The following PACRG variants were observed in gnomAD, a reference collection of about 807,000 sequenced individuals.
PACRG encodes parkin coregulated, also known as parkin coregulated gene protein.
Under a neutral mutation model 29.7 loss-of-function variants are expected in PACRG, and 29 were observed. The observed-to-expected ratio is 0.98, with a 90% CI of 0.73 to 1.33. PACRG has a LOEUF of 1.33. PACRG is among the 40% of genes most tolerant of loss of function. PACRG has a pLI of 0.00. For missense variants in PACRG, 279 were observed against 316.2 expected (o/e 0.88, Z 0.89); for synonymous variants, 116 against 118.7 (o/e 0.98, Z 0.15).
At chr6:163,210,326 A>G (rs1428638579) in intron 4 of PACRG, among the ~76,000 whole-genome samples, 2 of 152,244 alleles carry the variant, frequency 1.3e-5, no homozygotes, top group African/African-American at 4.8e-5. Context: ...TCTATAATGC[A>G]GAATATCTTT....
At chr6:163,001,372 T>C (rs1191921303) in intron 2 of PACRG, among the ~76,000 whole-genome samples, 2 of 152,146 alleles carry the variant, frequency 1.3e-5, no homozygotes, top group Non-Finnish European at 2.9e-5. Flanking sequence ...CACACAACTT[T>C]CATATTTATG....
At chr6:163,017,958 G>C (rs780404733) in intron 2 of PACRG, among the ~76,000 whole-genome samples, 1 of 151,980 alleles carries the variant, frequency 6.6e-6, no homozygotes, top group Admixed American at 6.6e-5. Flanking sequence ...CCCATGATTT[G>C]CTATACATGG....
chr6:162,727,564 G>T, upstream of PACRG: 1 of 1,313,590 alleles, frequency 7.6e-7, no homozygotes, highest in Non-Finnish European at 1.1e-6. Flanking sequence ...GTCATTGACA[G>T]TTGGCACCGG....
intron 4 of PACRG, among the ~76,000 whole-genome samples, chr6:163,279,733 T>C (rs1784165237): frequency 6.6e-6 from 1 of 152,200 alleles, no homozygotes; most frequent in South Asian, 2.1e-4. Flanking sequence ...CACTACTCTT[T>C]CCTGTATTTT....
At chr6:163,257,446 C>T (rs549278888) in intron 4 of PACRG, among the ~76,000 whole-genome samples, 4 of 152,130 alleles carry the variant, frequency 2.6e-5, no homozygotes, top group East Asian at 1.9e-4. Context: ...AGACTAATTA[C>T]GTAAGACACA....
At chr6:163,212,202 A>T (rs1045859645) in intron 4 of PACRG, among the ~76,000 whole-genome samples, 2 of 152,184 alleles carry the variant, frequency 1.3e-5, no homozygotes, top group African/African-American at 4.8e-5. Flanking sequence ...GGGGTATTGG[A>T]TTAGAGTTGA....
At chr6:162,882,807 G>C (rs1200208513) in intron 2 of PACRG, among the ~76,000 whole-genome samples, 1 of 152,160 alleles carries the variant, frequency 6.6e-6, no homozygotes, top group Non-Finnish European at 1.5e-5. Flanking sequence ...TGACCTTCGT[G>C]AATTATTTCC....
At chr6:163,285,988 T>G (rs535392095) in intron 4 of PACRG, among the ~76,000 whole-genome samples, 7 of 152,356 alleles carry the variant, frequency 4.6e-5, no homozygotes, top group African/African-American at 1.7e-4. Flanking sequence ...TATTGCATGG[T>G]TCTGTCGTGT....
At chr6:163,062,473 C>G in intron 3 of PACRG, 152 bp downstream of exon 3, 1 of 883,734 alleles carries the variant, frequency 1.1e-6, no homozygotes, top group East Asian at 2.7e-5. Context: ...CAACCCAAAT[C>G]TCCAAAAATA....
chr6:163,010,048 T>C (rs978472814), intron 2 of PACRG, among the ~76,000 whole-genome samples: 3 of 152,176 alleles, frequency 2.0e-5, no homozygotes, highest in African/African-American at 7.2e-5. Context: ...TTCAAAATCA[T>C]TTTGAAGATC....
intron 2 of PACRG, among the ~76,000 whole-genome samples, chr6:162,942,936 C>T (rs1329058791): frequency 6.6e-6 from 1 of 152,118 alleles, no homozygotes; most frequent in Non-Finnish European, 1.5e-5. Context: ...CAGGAAACAC[C>T]TAAGGCAAAA....
intron 2 of PACRG, chr6:163,051,286 G>A (rs575179268): frequency 6.6e-6 from 1 of 152,098 alleles, no homozygotes; most frequent in South Asian, 2.1e-4. Context: ...TATGCTCATT[G>A]GTCTGTTGAG....
chr6:163,043,335 A>C (rs999018901), intron 2 of PACRG, among the ~76,000 whole-genome samples: 2 of 152,190 alleles, frequency 1.3e-5, no homozygotes, highest in Non-Finnish European at 2.9e-5. Flanking sequence ...AGGGCAGATC[A>C]TTTTGAGGTC....
intron 4 of PACRG, among the ~76,000 whole-genome samples, chr6:163,265,009 A>G (rs1263934611): frequency 1.3e-5 from 2 of 152,160 alleles, no homozygotes; most frequent in East Asian, 3.9e-4. Context: ...CTAGCAATGG[A>G]TGATATGCTT....
At chr6:163,116,056 G>A (rs1002681950) in intron 4 of PACRG, among the ~76,000 whole-genome samples, 1 of 152,214 alleles carries the variant, frequency 6.6e-6, no homozygotes, top group African/African-American at 2.4e-5. Flanking sequence ...TTCCTGAGGG[G>A]TGTATTAGTG....
At chr6:162,896,545 G>A (rs1448716962) in intron 2 of PACRG, among the ~76,000 whole-genome samples, 1 of 152,178 alleles carries the variant, frequency 6.6e-6, no homozygotes, top group Non-Finnish European at 1.5e-5. Flanking sequence ...TCTTGGATGT[G>A]TAAGAATTAT....
intron 2 of PACRG, among the ~76,000 whole-genome samples, chr6:162,964,770 A>T (rs985888734): frequency 1.3e-5 from 2 of 152,218 alleles, no homozygotes; most frequent in African/African-American, 4.8e-5. Flanking sequence ...ATCCTGAGCT[A>T]AGATTAGGAA....
intron 2 of PACRG, among the ~76,000 whole-genome samples, chr6:162,878,145 T>C (rs1313818585): frequency 6.6e-6 from 1 of 152,182 alleles, no homozygotes; most frequent in Non-Finnish European, 1.5e-5. Context: ...ATAATAACTT[T>C]AAATGTTTGT....
chr6:162,836,921 C>A (rs997563716), intron 2 of PACRG, among the ~76,000 whole-genome samples: 4 of 152,124 alleles, frequency 2.6e-5, no homozygotes, highest in African/African-American at 9.7e-5. Context: ...GGAGCTAGAA[C>A]CTAGGTCTGC....
Sources: allele counts gnomAD v4.1 joint callset (sites outside exome capture counted in the v4.1 genomes callset), GRCh38; gene constraint gnomAD v4.1.1; transcripts MANE v1.5; gene names NCBI Gene and HGNC (gene_info 2026-07-23, HGNC 2026-07-21).